The following RANBP3L variants were observed in gnomAD, a reference collection of about 807,000 sequenced individuals.
RANBP3L encodes ran-binding protein 3-like.
Under a neutral mutation model 67.2 loss-of-function variants are expected in RANBP3L, and 56 were observed. That is an observed-to-expected ratio of 0.83 (90% confidence interval 0.67 to 1.04). The LOEUF (loss-of-function observed/expected upper bound fraction) is 1.04, where lower values mean the gene tolerates loss of function less well. Ranked by LOEUF, RANBP3L falls within the 50% of genes least tolerant of loss-of-function variation. RANBP3L has a pLI of 0.00. For missense variants in RANBP3L, 496 were observed against 535.5 expected (o/e 0.93, Z 0.73); for synonymous variants, 164 against 181.4 (o/e 0.90, Z 0.77).
chr5:36,293,719 A>G (rs1367361289), intron 1 of RANBP3L, among the ~76,000 whole-genome samples: 3 of 148,844 alleles, frequency 2.0e-5, no homozygotes, highest in East Asian at 1.9e-4. Context: ...ATTTGCATAT[A>G]TTGAACCAGC....
chr5:36,295,058 G>T (rs996335387), intron 1 of RANBP3L, among the ~76,000 whole-genome samples: 1 of 151,350 alleles, frequency 6.6e-6, no homozygotes, highest in African/African-American at 2.4e-5. Context: ...CCATCTTTTG[G>T]CTATTGTGAA....
At position 36,248,234 on chromosome 5, in the gene RANBP3L, C is replaced by T. The variant is rs900292248; in HGVS notation, c.*1420G>A. 5.3e-5 allele frequency among the ~76,000 whole-genome samples: 8 copies of T among 151,852 alleles called. No homozygotes were observed. Among genetic ancestry groups the T allele is most frequent in the African/African-American group, 1.9e-4 (8 of 41,336 alleles). On this transcript the variant is annotated 3_prime_UTR_variant, in exon 14 of 14. Coordinates refer to ENST00000296604, the MANE Select transcript of RANBP3L (RefSeq NM_145000.5). ...TCTTTATTTTCTGAGTCATTGACTC[C>T]TTTATTTAGAAGTAAAGGATATTAT...
chr5:36,278,401 C>T (rs1386912482), intron 1 of RANBP3L, among the ~76,000 whole-genome samples: 3 of 152,054 alleles, frequency 2.0e-5, no homozygotes, highest in African/African-American at 4.8e-5. Context: ...TCAGTCTCCA[C>T]CCCCGACCTA....
intron 1 of RANBP3L, among the ~76,000 whole-genome samples, chr5:36,288,455 G>A (rs1322534091): frequency 6.6e-6 from 1 of 152,138 alleles, no homozygotes; most frequent in Non-Finnish European, 1.5e-5. Flanking sequence ...TCTTGTGCAA[G>A]GCTTTCGTGG....
intron 1 of RANBP3L, among the ~76,000 whole-genome samples, chr5:36,297,449 A>G (rs1051270385): frequency 1.1e-4 from 16 of 146,080 alleles, no homozygotes; most frequent in Admixed American, 1.0e-3. Context: ...ACACACACGC[A>G]CACACACACA....
rs943410107 is a variant in RANBP3L at position 36,279,260 on chromosome 5, T to A, written c.92-7949A>T. On this transcript the variant is annotated intron_variant, in intron 1 of 13. Transcript: ENST00000296604. ...ATTGTATCCCCAGAGGAAGAAGGAA[T>A]GTGTGCCAATTCACAAAGGAACCAC... Among the ~76,000 whole-genome samples the A allele has an allele frequency of 3.0e-4, 46 of 152,252 alleles. 1 individual carries two copies. Among genetic ancestry groups the A allele is most frequent in the Non-Finnish European group, 1.5e-5 (1 of 68,012 alleles).
rs368461240 is a variant in RANBP3L, at chr5:36,301,218, C to A, written c.91+108G>T. On this transcript the variant is annotated intron_variant, in intron 1 of 13. Coordinates refer to ENST00000296604, the MANE Select transcript of RANBP3L (RefSeq NM_145000.5). The stretch of plus-strand genomic sequence containing the variant: ...CAAGTTAACCCACCCTTATGCATCA[C>A]TATTATGTCAGAGCTTCCCCGGGTC... 299 of 793,124 alleles carry A rather than the reference C, an allele frequency of 3.8e-4. 2 individuals carry two copies. In the South Asian group the frequency reaches 4.2e-3, roughly 11 times the overall value. 49.1% of individuals were successfully genotyped at this position (793,124 alleles called of 1,614,324 possible).
intron 1 of RANBP3L, among the ~76,000 whole-genome samples, chr5:36,283,030 T>G (rs1439940117): frequency 6.6e-6 from 1 of 152,152 alleles, no homozygotes; most frequent in African/African-American, 2.4e-5. Flanking sequence ...AGAAAAGTTT[T>G]TACTTTTAAA....
intron 2 of RANBP3L, among the ~76,000 whole-genome samples, 188 bp from the exon 3 acceptor site, chr5:36,270,178 C>T (rs145921140): frequency 3.1e-4 from 47 of 152,296 alleles, no homozygotes; most frequent in Middle Eastern, 3.4e-3. Flanking sequence ...CTAATAAGCC[C>T]GGCCAGGACA....
chr5:36,279,133 G>A lies in RANBP3L; in HGVS notation c.92-7822C>T, dbSNP rs984375505. 2.6e-5 allele frequency among the ~76,000 whole-genome samples: 4 copies of A among 152,074 alleles called. No individual in the cohort carries two copies. The South Asian group carries it at 8.3e-4, about 32-fold the overall frequency. On this transcript the variant is annotated intron_variant, in intron 1 of 13. Coordinates refer to ENST00000296604, the MANE Select transcript of RANBP3L (RefSeq NM_145000.5). Reference sequence around the variant, plus strand: ...TCTCTGCATGGAGCCCAAGGAAGAGGAGATACAGAAAGTCAGAATCACGAT... The same window carrying A: ...TCTCTGCATGGAGCCCAAGGAAGAGAAGATACAGAAAGTCAGAATCACGAT...
At chr5:36,249,787 G>C (rs1253047014) in intron 13 of RANBP3L, 90 bp from the exon 14 acceptor site, 1 of 543,694 alleles carries the variant, frequency 1.8e-6, no homozygotes, top group Non-Finnish European at 3.2e-6. Context: ...GAATATTAAT[G>C]AATATACTCA....
intron 6 of RANBP3L, among the ~76,000 whole-genome samples, 181 bp from the exon 7 acceptor site, chr5:36,262,223 G>A (rs1749450933): frequency 6.6e-6 from 1 of 152,100 alleles, no homozygotes; most frequent in Non-Finnish European, 1.5e-5. Context: ...TAATTCTATT[G>A]TCCACATTTT....
At chr5:36,268,544 AT>A (rs1749972610) in intron 4 of RANBP3L, among the ~76,000 whole-genome samples, 1 of 152,180 alleles carries the variant, frequency 6.6e-6, no homozygotes, top group Non-Finnish European at 1.5e-5. Context: ...AAATATATAC[AT>A]AGATGCTGTA....
intron 1 of RANBP3L, among the ~76,000 whole-genome samples, chr5:36,292,956 A>G (rs1751912340): frequency 7.0e-6 from 1 of 141,970 alleles, no homozygotes; most frequent in Admixed American, 7.2e-5. Context: ...TGGTAGCTTG[A>G]TGGGGATGGC....
At chr5:36,256,847 C>T in intron 10 of RANBP3L, 94 bp downstream of exon 10, 1 of 1,198,402 alleles carries the variant, frequency 8.3e-7, no homozygotes. Flanking sequence ...GAAAACTATA[C>T]TTCTGTCTGT....
chr5:36,279,708 C>T (rs894047774), intron 1 of RANBP3L, among the ~76,000 whole-genome samples: 1 of 152,086 alleles, frequency 6.6e-6, no homozygotes, highest in East Asian at 1.9e-4. Context: ...GGTAGGAACA[C>T]TTATCCCTTT....
intron 1 of RANBP3L, among the ~76,000 whole-genome samples, chr5:36,298,337 G>A (rs1752378961): frequency 6.6e-6 from 1 of 151,598 alleles, no homozygotes. Context: ...ATATGTATGT[G>A]TTGAAGCTAG....
chr5:36,292,476 A>G (rs1751865633), intron 1 of RANBP3L, among the ~76,000 whole-genome samples: 2 of 152,150 alleles, frequency 1.3e-5, no homozygotes, highest in Admixed American at 6.5e-5. Flanking sequence ...GTCCTTGCCC[A>G]TGCCTATCTC....
chr5:36,256,713 A>G (rs11739323), intron 10 of RANBP3L: 175,604 of 483,078 alleles, frequency 0.36, 34,501 homozygotes, highest in South Asian at 0.47. Flanking sequence ...GACTAATGTG[A>G]ATAGTTGTAA....
Sources: gnomAD v4.1 joint callset for allele counts (sites outside exome capture counted in the v4.1 genomes callset) on GRCh38, gnomAD v4.1.1 for gene constraint, MANE v1.5 for transcripts, NCBI Gene and HGNC (gene_info 2026-07-23, HGNC 2026-07-21) for gene names.